Variants in SPINK5 observed in about 807,000 individuals in gnomAD.
SPINK5 encodes serine protease inhibitor Kazal-type 5.
In SPINK5, 125 loss-of-function variants were observed where a neutral mutation model predicts 151.8. The observed-to-expected ratio is 0.82, with a 90% confidence interval of 0.71 to 0.96. The LOEUF (loss-of-function observed/expected upper bound fraction) is 0.96. SPINK5 is among the 40% of genes least tolerant of loss of function. The pLI is 0.00. For synonymous variants in SPINK5, 374 were observed against 395.3 expected, an observed-to-expected ratio of 0.95 and a Z score of 0.64; for missense variants, 1,194 against 1,291.9, an observed-to-expected ratio of 0.92 and a Z score of 1.16.
intron 10 of SPINK5, among the ~76,000 whole-genome samples, chr5:148,096,157 C>T (rs1220476415): frequency 6.6e-6 from 1 of 151,876 alleles, no homozygotes; most frequent in South Asian, 2.1e-4. Flanking sequence ...TTTTGCACTC[C>T]TAAATGAAGG....
At chr5:148,117,311 T>G (rs1400582751) in intron 22 of SPINK5, among the ~76,000 whole-genome samples, 1 of 152,226 alleles carries the variant, frequency 6.6e-6, no homozygotes, top group Non-Finnish European at 1.5e-5. Flanking sequence ...TTTGTGTGTC[T>G]TGTTCATAAC....
chr5:148,127,875 C>T lies in SPINK5; in HGVS notation c.2964+796C>T, dbSNP rs544418517. Among the ~76,000 whole-genome samples the T allele has an allele frequency of 3.9e-5, 6 of 152,074 alleles. No homozygotes were observed. In the South Asian group the frequency reaches 6.2e-4, roughly 16 times the overall value. ...CCCACCCTTCTCTCTTCCTCTCTCT[C>T]GTAGCTGATGGTCACCAGTAATGTA... is the stretch of plus-strand genomic sequence containing the variant. On this transcript the variant is annotated intron_variant, in intron 30 of 32. Coordinates refer to ENST00000256084, the MANE Select transcript of SPINK5 (RefSeq NM_006846.4).
chr5:148,096,003 T>G (rs1162683310), intron 10 of SPINK5, 98 bp downstream of exon 10: 2 of 946,516 alleles, frequency 2.1e-6, no homozygotes, highest in African/African-American at 3.3e-5. Context: ...CTTTCAATAT[T>G]GTTTAATATT....
At chr5:148,133,206 C>A (rs1754614946) in intron 31 of SPINK5, among the ~76,000 whole-genome samples, 1 of 152,096 alleles carries the variant, frequency 6.6e-6, no homozygotes, top group African/African-American at 2.4e-5. Flanking sequence ...ATATTCATTT[C>A]TAAGGTTTTA....
intron 32 of SPINK5, among the ~76,000 whole-genome samples, chr5:148,134,963 G>A (rs1399916410): frequency 6.6e-6 from 1 of 151,808 alleles, no homozygotes; most frequent in East Asian, 1.9e-4. Context: ...TCTTTGTTAA[G>A]GGAAATTGTG....
chr5:148,069,689 C>G (rs188293322), intron 2 of SPINK5, among the ~76,000 whole-genome samples: 1 of 151,934 alleles, frequency 6.6e-6, no homozygotes, highest in Non-Finnish European at 1.5e-5. Flanking sequence ...CCCAGAACCT[C>G]GGAAGGGGGA....
At chr5:148,098,051 A>G (rs537963496) in intron 11 of SPINK5, 57 bp downstream of exon 11, 8 of 1,534,062 alleles carry the variant, frequency 5.2e-6, no homozygotes, top group Admixed American at 5.1e-5. Context: ...GTAATTTAAT[A>G]GAAACAGCTT....
intron 21 of SPINK5, among the ~76,000 whole-genome samples, chr5:148,115,072 A>G (rs1196047925): frequency 1.3e-5 from 2 of 152,190 alleles, no homozygotes; most frequent in East Asian, 3.8e-4. Flanking sequence ...AAGGTAATAT[A>G]ATACAAAGGA....
In SPINK5 at chr5:148,101,410, C is replaced by T; in HGVS notation, c.1276C>T (p.Gln426Ter). 6.2e-7 allele frequency: 1 copy of T among 1,611,620 alleles called. No individual in the cohort carries two copies. The change falls in exon 14 of 33, where the codon CAA (glutamine) becomes TAA (stop). Residue 426 changes from glutamine to a stop codon, truncating the protein, a stop_gained. Coordinates refer to ENST00000256084, the MANE Select transcript of SPINK5 (RefSeq NM_006846.4). LOFTEE classifies it high-confidence loss of function. ...KKEGKSRNKR[Q>*]SKSTASFEEL... ...GGAAGGTAAATCAAGAAACAAAAGA[C>T]AATCTAAGAGTACAGCTTCCTTTGA...
intron 30 of SPINK5, among the ~76,000 whole-genome samples, chr5:148,130,052 A>G (rs1155636): frequency 0.56 from 85,208 of 151,572 alleles, 24,641 homozygotes; most frequent in Admixed American, 0.65. Flanking sequence ...GCTTTGTTCT[A>G]TTTTCTATTT....
chr5:148,088,835 TA>T (rs397777404), intron 6 of SPINK5, among the ~76,000 whole-genome samples: 25 of 146,438 alleles, frequency 1.7e-4, no homozygotes, highest in East Asian at 2.0e-4. Flanking sequence ...CTGCTTTGTA[TA>T]AAAAAAAAAA....
At chr5:148,120,199 C>T in intron 25 of SPINK5, 63 bp downstream of exon 25, 1 of 1,612,466 alleles carries the variant, frequency 6.2e-7, no homozygotes, top group Non-Finnish European at 8.5e-7. Context: ...CATTTCTTAC[C>T]AGTTTGGGAA....
chr5:148,122,333 G>T (rs1754292029), intron 26 of SPINK5, among the ~76,000 whole-genome samples: 1 of 152,162 alleles, frequency 6.6e-6, no homozygotes. Flanking sequence ...ATGTTGATAG[G>T]TATTTAATTC....
intron 22 of SPINK5, 46 bp from the exon 23 acceptor site, chr5:148,118,391 A>C (rs942678822): frequency 1.2e-6 from 2 of 1,612,926 alleles, no homozygotes; most frequent in Non-Finnish European, 8.5e-7. Context: ...CTAAGAATAC[A>C]GTAGACTAAG....
chr5:148,093,667 T>G (rs953973801), intron 8 of SPINK5, among the ~76,000 whole-genome samples: 6 of 151,940 alleles, frequency 3.9e-5, no homozygotes, highest in Middle Eastern at 3.4e-3. Context: ...TTCTTTTTTT[T>G]TTTGTGATTT....
chr5:148,076,299 A>G (rs1051181802), intron 4 of SPINK5, among the ~76,000 whole-genome samples: 2 of 151,768 alleles, frequency 1.3e-5, no homozygotes, highest in Non-Finnish European at 2.9e-5. Context: ...AAAAATAACC[A>G]TGATAGAAAC....
chr5:148,070,948 A>G (rs1351071638), intron 3 of SPINK5, among the ~76,000 whole-genome samples: 1 of 152,044 alleles, frequency 6.6e-6, no homozygotes, highest in Non-Finnish European at 1.5e-5. Flanking sequence ...ACCTAGCATT[A>G]TTCTAGGATG....
chr5:148,096,757 T>C lies in SPINK5; in HGVS notation c.882+852T>C, dbSNP rs188900139. 1.7e-4 allele frequency among the ~76,000 whole-genome samples: 26 copies of C among 151,046 alleles called. No individual in the cohort carries two copies. The East Asian group carries it at 4.9e-3, about 29-fold the overall frequency. On this transcript the variant is annotated intron_variant, in intron 10 of 32. Transcript: ENST00000256084. ...TTTTCTTTTTCTTTTCTTTTCTTTT[T>C]TTTTTTAAGACAATTTCTTTCTTTC...
chr5:148,086,685 G>A (rs904877325), intron 5 of SPINK5, among the ~76,000 whole-genome samples, 153 bp downstream of exon 5: 2 of 151,624 alleles, frequency 1.3e-5, no homozygotes, highest in Non-Finnish European at 2.9e-5. Context: ...CTACTCTTAA[G>A]ACAAATAAAG....
Sources: allele counts gnomAD v4.1 joint callset (sites outside exome capture counted in the v4.1 genomes callset), GRCh38; gene constraint gnomAD v4.1.1; transcripts MANE v1.5; gene names NCBI Gene and HGNC (gene_info 2026-07-23, HGNC 2026-07-21).